SLC35F3: variants seen among roughly 807,000 people sequenced by gnomAD.
SLC35F3 encodes the protein putative thiamine transporter SLC35F3.
SLC35F3 carries 25 observed loss-of-function variants against 49.9 expected under a neutral mutation model. The observed-to-expected ratio is 0.50, with a 90% CI of 0.37 to 0.70. SLC35F3 has a LOEUF of 0.70. Ranked by LOEUF, SLC35F3 falls within the 30% of genes least tolerant of loss-of-function variation. SLC35F3 has a pLI of 0.00. For missense variants in SLC35F3, 525 were observed against 639.8 expected, an observed-to-expected ratio of 0.82 and a Z score of 1.94; for synonymous variants, 275 against 265.4, an observed-to-expected ratio of 1.04 and a Z score of -0.35.
Position 234,010,536 on chromosome 1 carries a change from A to G in SLC35F3, c.283+104778A>G, listed in dbSNP as rs1024222238. ...GTAAATAGATTAAAATCTCCAATAA[A>G]AAGACAGAGTGGCTGGTTGAATTTT... On this transcript the variant is annotated intron_variant, in intron 2 of 7. Transcript: ENST00000366618. Among the ~76,000 whole-genome samples, 16 of 152,328 alleles carry G rather than the reference A, an allele frequency of 1.1e-4. No individual in the cohort carries two copies. In the Middle Eastern group the frequency reaches 0.014, roughly 130 times the overall value.
intron 2 of SLC35F3, among the ~76,000 whole-genome samples, chr1:234,177,334 A>G (rs1038708542): frequency 2.0e-5 from 3 of 152,192 alleles, no homozygotes; most frequent in African/African-American, 7.2e-5. Flanking sequence ...CAGCATAAAA[A>G]TGGGCTAATA....
intron 2 of SLC35F3, among the ~76,000 whole-genome samples, chr1:234,205,912 T>G (rs1572094373): frequency 2.7e-5 from 4 of 146,436 alleles, no homozygotes; most frequent in African/African-American, 1.0e-4. Flanking sequence ...GTGCAGGGGG[T>G]GGTGGGTGAG....
chr1:234,298,285 G>A (rs1197485922), intron 3 of SLC35F3, among the ~76,000 whole-genome samples: 2 of 152,198 alleles, frequency 1.3e-5, no homozygotes, highest in African/African-American at 4.8e-5. Flanking sequence ...GAAGGTCTCT[G>A]AAGTTTGGTC....
intron 2 of SLC35F3, among the ~76,000 whole-genome samples, chr1:233,959,937 C>T (rs1662766804): frequency 6.6e-6 from 1 of 152,194 alleles, no homozygotes; most frequent in Non-Finnish European, 1.5e-5. Flanking sequence ...GGATGCTTTC[C>T]ACATCCTCAC....
chr1:234,315,507 A>C (rs1175159736), intron 4 of SLC35F3, among the ~76,000 whole-genome samples: 1 of 152,222 alleles, frequency 6.6e-6, no homozygotes, highest in African/African-American at 2.4e-5. Context: ...GGTTTGGGCA[A>C]GTTACTTAAC....
At chr1:234,082,759 G>A (rs1187465195) in intron 2 of SLC35F3, among the ~76,000 whole-genome samples, 2 of 152,144 alleles carry the variant, frequency 1.3e-5, no homozygotes, top group African/African-American at 2.4e-5. Context: ...CCAAGCGAAA[G>A]GCAAAACCCT....
Position 234,293,523 on chromosome 1 carries a change from A to G in SLC35F3, c.609-15578A>G, listed in dbSNP as rs565553375. Among the ~76,000 whole-genome samples the G allele has an allele frequency of 3.9e-5, 6 of 152,250 alleles. No homozygotes were observed. The South Asian group carries it at 1.2e-3, about 31-fold the overall frequency. ...ATGCAGGGCCAGGGAGCACACATTT[A>G]GATGGTTAGTCAAATCTAAATTATA... On this transcript the variant is annotated intron_variant, in intron 3 of 7. Transcript: ENST00000366618.
At chr1:234,055,081 C>T (rs984148559) in intron 2 of SLC35F3, among the ~76,000 whole-genome samples, 5 of 152,202 alleles carry the variant, frequency 3.3e-5, no homozygotes, top group African/African-American at 1.2e-4. Context: ...AGTTAGACTA[C>T]TCGGGGGTCA....
At chr1:234,102,886 G>A (rs894730163) in intron 2 of SLC35F3, among the ~76,000 whole-genome samples, 5 of 152,192 alleles carry the variant, frequency 3.3e-5, no homozygotes, top group Non-Finnish European at 5.9e-5. Flanking sequence ...CACTTGTAAC[G>A]AAATAGAAGC....
At chr1:234,152,253 A>G (rs189479337) in intron 2 of SLC35F3, among the ~76,000 whole-genome samples, 7 of 128,178 alleles carry the variant, frequency 5.5e-5, no homozygotes, top group Admixed American at 8.4e-5. Flanking sequence ...TTATTATTAT[A>G]CTTTAAATTC....
At chr1:234,137,682 G>A (rs1230171123) in intron 2 of SLC35F3, among the ~76,000 whole-genome samples, 1 of 152,194 alleles carries the variant, frequency 6.6e-6, no homozygotes, top group East Asian at 1.9e-4. Context: ...GAAGACTTGT[G>A]GAGAGGAGAA....
chr1:234,062,890 C>T lies in SLC35F3; in HGVS notation c.283+157132C>T, dbSNP rs550590027. Among the ~76,000 whole-genome samples the T allele has an allele frequency of 2.3e-3, 353 of 150,488 alleles. 1 individual carries two copies. The highest frequency in any genetic ancestry group is 7.9e-3 in the African/African-American group (324 of 40,924). On this transcript the variant is annotated intron_variant, in intron 2 of 7. Transcript: ENST00000366618. ...ATTTTTAGTAGAGACGTGGTTTCAC[C>T]GTGTTCACCGGGATGGTCTCGAACT...
At chr1:233,953,558 C>CATAGCTCTGTTGGTCTTTGTCAACTCTCA (rs1662644734) in intron 2 of SLC35F3, among the ~76,000 whole-genome samples, 2 of 151,998 alleles carry the variant, frequency 1.3e-5, no homozygotes, top group African/African-American at 4.8e-5. Flanking sequence ...GTCAACTCTC[C>CATAGCTCTGTTGGTCTTTGTCAACTCTCA]GTCATAGCTC....
intron 2 of SLC35F3, among the ~76,000 whole-genome samples, chr1:234,193,852 C>T (rs1259965187): frequency 1.3e-5 from 2 of 152,134 alleles, no homozygotes; most frequent in Non-Finnish European, 2.9e-5. Context: ...AAATGCTCAA[C>T]ATCACTAATG....
intron 2 of SLC35F3, among the ~76,000 whole-genome samples, chr1:234,105,273 C>A (rs1665269086): frequency 6.6e-6 from 1 of 152,106 alleles, no homozygotes; most frequent in Non-Finnish European, 1.5e-5. Flanking sequence ...AAAGAAGGAC[C>A]TCCCAGAGAA....
intron 2 of SLC35F3, among the ~76,000 whole-genome samples, chr1:234,024,357 C>A (rs1053268055): frequency 2.0e-5 from 3 of 152,150 alleles, no homozygotes; most frequent in Non-Finnish European, 4.4e-5. Context: ...TTGTGCCAAG[C>A]TCGGGGCTTC....
chr1:233,913,311 A>G (rs542804880), intron 2 of SLC35F3, among the ~76,000 whole-genome samples: 1 of 152,222 alleles, frequency 6.6e-6, no homozygotes, highest in Non-Finnish European at 1.5e-5. Context: ...ACTACAGTAC[A>G]TTACAGTACC....
rs771884317 is a variant in SLC35F3 at position 234,214,516 on chromosome 1, C to G, written c.284-16901C>G. The G allele has an allele frequency of 1.9e-6, 3 of 1,548,316 alleles. No individual in the cohort carries two copies. The highest frequency in any genetic ancestry group is 2.6e-6 in the Non-Finnish European group (3 of 1,149,600). On this transcript the variant is annotated intron_variant, in intron 2 of 7. Transcript: ENST00000366618. This position sits in a 1 kb window ranked among gnomAD's most constrained non-coding sequence, Gnocchi z 8.0. ...GGCTCATCATGAAGAAGCACTCGGCCCGGGTGGCCCCGCTCAGCGCCTGCA... is the reference window on the plus strand; with the variant it reads ...GGCTCATCATGAAGAAGCACTCGGCGCGGGTGGCCCCGCTCAGCGCCTGCA...
At chr1:234,248,031 A>G (rs555467108) in intron 3 of SLC35F3, among the ~76,000 whole-genome samples, 28 of 151,830 alleles carry the variant, frequency 1.8e-4, no homozygotes, top group Middle Eastern at 3.5e-3. Flanking sequence ...TGGCTGGTCC[A>G]TTGTTTGGTA....
Sources: gnomAD v4.1 joint callset for allele counts (sites outside exome capture counted in the v4.1 genomes callset) on GRCh38, gnomAD v4.1.1 for gene constraint, Gnocchi (gnomAD v3.1) non-coding constraint, MANE v1.5 for transcripts, NCBI Gene and HGNC (gene_info 2026-07-23, HGNC 2026-07-21) for gene names.